The following SLC25A12 variants were observed in gnomAD, a reference collection of about 807,000 sequenced individuals.
SLC25A12 encodes solute carrier family 25 member 12, also known as electrogenic aspartate/glutamate antiporter SLC25A12, mitochondrial.
Under a neutral mutation model 83.3 loss-of-function variants are expected in SLC25A12, and 32 were observed. The ratio of observed to expected loss-of-function variants is 0.38; its 90% CI spans 0.29 to 0.52. The LOEUF (loss-of-function observed/expected upper bound fraction) is 0.52, where lower values mean the gene tolerates loss of function less well. SLC25A12 is among the 20% of genes least tolerant of loss of function. The pLI is 0.84. For missense variants in SLC25A12, 611 were observed against 835.6 expected, an observed-to-expected ratio of 0.73 and a Z score of 3.31; for synonymous variants, 267 against 291.1, an observed-to-expected ratio of 0.92 and a Z score of 0.84.
intron 2 of SLC25A12, among the ~76,000 whole-genome samples, chr2:171,882,613 C>T (rs1480407763): frequency 1.3e-5 from 2 of 152,228 alleles, no homozygotes; most frequent in East Asian, 1.9e-4. Flanking sequence ...CATTCTAAGC[C>T]TACGCATGTT....
rs772577546 is a variant in SLC25A12, at chr2:171,785,282, T to A, written c.2029A>T (p.Thr677Ser). 2 of 1,614,112 alleles carry A rather than the reference T, an allele frequency of 1.2e-6. No individual in the cohort carries two copies. The highest frequency in any genetic ancestry group is 1.7e-6 in the Non-Finnish European group (2 of 1,179,998). Reference protein sequence around the residue: ...VVQPKAAVAATQ With the variant: ...VVQPKAAVAASQ ...ACTCAACAGTTGTCTCATCACTGAG[T>A]GGCTGCCACTGCTGCCTTTGGCTGA... Residue 677 changes from threonine (T) to serine (S), a missense_variant, in exon 18 of 18, where the codon ACT becomes TCT. Thr to Ser is a moderately conservative substitution (Grantham distance 58). Coordinates refer to ENST00000422440, the MANE Select transcript of SLC25A12 (RefSeq NM_003705.5).
At chr2:171,788,052 A>G (rs1010430389) in intron 15 of SLC25A12, 105 bp from the exon 16 acceptor site, 2 of 1,134,780 alleles carry the variant, frequency 1.8e-6, no homozygotes, top group African/African-American at 3.1e-5. Flanking sequence ...CTTGAGCGGA[A>G]CTCAAAACTC....
chr2:171,790,725 T>G (rs1028701558), intron 15 of SLC25A12, among the ~76,000 whole-genome samples: 3 of 152,082 alleles, frequency 2.0e-5, no homozygotes, highest in African/African-American at 7.2e-5. Flanking sequence ...TTTTTTTTTT[T>G]GAGACAAGCT....
Position 171,784,719 on chromosome 2 carries a change from A to T in SLC25A12, c.*555T>A, listed in dbSNP as rs191707233. On this transcript the variant is annotated 3_prime_UTR_variant, in exon 18 of 18. Coordinates refer to ENST00000422440, the MANE Select transcript of SLC25A12 (RefSeq NM_003705.5). ...AGTGGTAGCAGCACTATGTCTCGTT[A>T]TGCCTTTTATCAGCAAATACCTTTT... The T allele has an allele frequency of 5.5e-6, 1 of 180,210 alleles. No individual in the cohort carries two copies. The allele number at this position is 180,210 out of a possible 1,614,324, so 11.2% of individuals were successfully genotyped here.
chr2:171,869,433 C>A (rs1685411343), intron 2 of SLC25A12, among the ~76,000 whole-genome samples: 2 of 152,070 alleles, frequency 1.3e-5, no homozygotes, highest in African/African-American at 4.8e-5. Context: ...GAAAGTGACT[C>A]CCAGAGGCTT....
chr2:171,850,883 C>T lies in SLC25A12; in HGVS notation c.325+4951G>A, dbSNP rs561003596. The stretch of plus-strand genomic sequence containing the variant: ...ATAATAACAGTGGTTGTGCCTAACC[C>T]ATCCCAATTTATTCTCTCCTTCAGG... On this transcript the variant is annotated intron_variant, in intron 4 of 17. Coordinates refer to ENST00000422440, the MANE Select transcript of SLC25A12 (RefSeq NM_003705.5). Among the ~76,000 whole-genome samples, 8 of 152,342 alleles carry T rather than the reference C, an allele frequency of 5.3e-5. No homozygotes were observed. In the East Asian group the frequency reaches 1.3e-3, roughly 26 times the overall value.
At chr2:171,874,512 A>G (rs1685523637) in intron 2 of SLC25A12, among the ~76,000 whole-genome samples, 1 of 152,156 alleles carries the variant, frequency 6.6e-6, no homozygotes, top group Admixed American at 6.5e-5. Flanking sequence ...AAGAGGGGGG[A>G]GCACATGAAA....
chr2:171,848,570 T>C (rs1032713233), intron 4 of SLC25A12, among the ~76,000 whole-genome samples: 1 of 151,164 alleles, frequency 6.6e-6, no homozygotes, highest in Non-Finnish European at 1.5e-5. Flanking sequence ...AGTTTTTCAG[T>C]GAAGGAAAAA....
At chr2:171,816,926 G>T (rs1684060422) in intron 9 of SLC25A12, among the ~76,000 whole-genome samples, 1 of 152,176 alleles carries the variant, frequency 6.6e-6, no homozygotes, top group Non-Finnish European at 1.5e-5. Context: ...CAATGTGATT[G>T]TATGTGATGT....
chr2:171,875,841 C>T (rs1034131147), intron 2 of SLC25A12, among the ~76,000 whole-genome samples: 4 of 135,926 alleles, frequency 2.9e-5, no homozygotes, highest in South Asian at 4.9e-4. Flanking sequence ...TTAACCCGGG[C>T]GGCGGAGCTT....
intron 16 of SLC25A12, 21 bp from the exon 17 acceptor site, chr2:171,787,682 C>T: frequency 6.2e-7 from 1 of 1,611,568 alleles, no homozygotes; most frequent in Non-Finnish European, 8.5e-7. Flanking sequence ...GAAGCAGGGG[C>T]AGGGGAGACT....
At chr2:171,826,660 G>T (rs1034937859) in intron 9 of SLC25A12, 138 bp downstream of exon 9, 17 of 683,028 alleles carry the variant, frequency 2.5e-5, no homozygotes, top group African/African-American at 1.6e-4. Context: ...GTTCTATAAA[G>T]GTAATCTTTA....
intron 6 of SLC25A12, 52 bp downstream of exon 6, chr2:171,837,069 G>A: frequency 6.3e-7 from 1 of 1,589,716 alleles, no homozygotes; most frequent in African/African-American, 1.3e-5. Context: ...AGGACTCAAT[G>A]GATCAAAAGG....
intron 2 of SLC25A12, among the ~76,000 whole-genome samples, chr2:171,881,655 A>T (rs908813885): frequency 3.2e-4 from 48 of 152,256 alleles, no homozygotes; most frequent in African/African-American, 9.9e-4. Flanking sequence ...CTATTTTTTT[A>T]AAAAAGTATT....
chr2:171,872,901 G>C (rs1387019017), intron 2 of SLC25A12, among the ~76,000 whole-genome samples: 1 of 152,038 alleles, frequency 6.6e-6, no homozygotes, highest in African/African-American at 2.4e-5. Flanking sequence ...TAGTTGGAGA[G>C]AGAAATGGTA....
At chr2:171,833,940 T>C in intron 8 of SLC25A12, 23 bp downstream of exon 8, 1 of 1,323,598 alleles carries the variant, frequency 7.6e-7, no homozygotes, top group Non-Finnish European at 1.1e-6. Flanking sequence ...ATAAATATCA[T>C]GAAGAATTAT....
intron 13 of SLC25A12, among the ~76,000 whole-genome samples, chr2:171,807,412 C>T (rs1683856522): frequency 6.6e-6 from 1 of 152,126 alleles, no homozygotes; most frequent in African/African-American, 2.4e-5. Context: ...CTAGGAAGAA[C>T]AAAGGAACTA....
intron 6 of SLC25A12, among the ~76,000 whole-genome samples, 199 bp from the exon 7 acceptor site, chr2:171,835,064 T>C (rs1455792484): frequency 6.6e-6 from 1 of 152,208 alleles, no homozygotes; most frequent in Admixed American, 6.5e-5. Flanking sequence ...TAATTTAGGT[T>C]TTAAGGAAGA....
intron 3 of SLC25A12, among the ~76,000 whole-genome samples, chr2:171,857,766 C>G (rs959650004): frequency 1.1e-4 from 16 of 151,698 alleles, no homozygotes; most frequent in African/African-American, 3.9e-4. Context: ...TGTCATGAAC[C>G]TGTAGTCCCA....
Sources: allele counts gnomAD v4.1 joint callset (sites outside exome capture counted in the v4.1 genomes callset), GRCh38; gene constraint gnomAD v4.1.1; transcripts MANE v1.5; gene names NCBI Gene and HGNC (gene_info 2026-07-23, HGNC 2026-07-21).